Variants in TIFA observed in about 807,000 individuals in gnomAD.
TIFA encodes the protein TRAF-interacting protein with FHA domain-containing protein A.
For synonymous variants in TIFA, 75 were observed against 79.2 expected (o/e 0.95, Z 0.28); for missense variants, 186 against 215.2 (o/e 0.86, Z 0.85).
At chr4:112,280,191 T>C (rs1727201057) in intron 1 of TIFA, among the ~76,000 whole-genome samples, 1 of 152,176 alleles carries the variant, frequency 6.6e-6, no homozygotes, top group African/African-American at 2.4e-5. Context: ...GGTTTGGAGA[T>C]AATCAGTCTT....
Position 112,275,609 on chromosome 4 carries a change from C to G in TIFA, c.*2253G>C, listed in dbSNP as rs1578429864. 1 of 152,260 alleles carries G rather than the reference C, an allele frequency of 6.6e-6. No homozygotes were observed. The highest frequency in any genetic ancestry group is 2.1e-4 in the South Asian group (1 of 4,824). 9.4% of individuals were successfully genotyped at this position (152,260 alleles called of 1,614,324 possible). Reference sequence around the variant, plus strand: ...GCAACCCACTCTCTCCTTTGCCAATCTTTGAAGAAAAGAAAATAGAATAAA... The same window carrying G: ...GCAACCCACTCTCTCCTTTGCCAATGTTTGAAGAAAAGAAAATAGAATAAA... On this transcript the variant is annotated 3_prime_UTR_variant, in exon 2 of 2. Transcript: ENST00000361717.
chr4:112,277,671 C>CTCGGTGG lies in TIFA; in HGVS notation c.*190_*191insCCACCGA. 9.8e-6 allele frequency: 4 copies of CTCGGTGG among 409,580 alleles called. No homozygotes were observed. Among genetic ancestry groups the CTCGGTGG allele is most frequent in the South Asian group, 1.4e-4 (2 of 14,772 alleles). The allele number at this position is 409,580 out of a possible 1,614,324, so 25.4% of individuals were successfully genotyped here. A position where few individuals can be genotyped will look rare whatever the true frequency, so the allele number is the denominator to read the frequency against. ...GCAGTTAAAATAATTTTGTGTAGAT[C>CTCGGTGG]CAGAATACAACAGGTGACTAAGTTA... On this transcript the variant is annotated 3_prime_UTR_variant, in exon 2 of 2. Transcript: ENST00000361717.
At position 112,285,879 on chromosome 4, in the gene TIFA, C is replaced by G. The variant is rs1727319425; in HGVS notation, c.-258G>C. The G allele has an allele frequency of 6.6e-6, 1 of 152,234 alleles. No individual in the cohort carries two copies. Among genetic ancestry groups the G allele is most frequent in the South Asian group, 2.1e-4 (1 of 4,838 alleles). 9.4% of individuals were successfully genotyped at this position (152,234 alleles called of 1,614,324 possible). On this transcript the variant is annotated 5_prime_UTR_variant, in exon 1 of 2. Coordinates refer to ENST00000361717, the MANE Select transcript of TIFA (RefSeq NM_052864.3). ...TTCCCACTGGCTGGCAGAGCACGTC[C>G]TCTCGCGCCCGGGGCCTTTGTAAAG... is the stretch of plus-strand genomic sequence containing the variant.
chr4:112,281,335 A>G (rs1727224073), intron 1 of TIFA, among the ~76,000 whole-genome samples: 1 of 152,228 alleles, frequency 6.6e-6, no homozygotes, highest in Non-Finnish European at 1.5e-5. Flanking sequence ...TTACTTTATA[A>G]TTCAGTCTTC....
At position 112,275,694 on chromosome 4, in the gene TIFA, A is replaced by G. The variant is rs961813692; in HGVS notation, c.*2168T>C. The G allele has an allele frequency of 1.3e-5, 2 of 152,218 alleles. No individual in the cohort carries two copies. The highest frequency in any genetic ancestry group is 2.9e-5 in the Non-Finnish European group (2 of 68,038). 9.4% of individuals were successfully genotyped at this position (152,218 alleles called of 1,614,324 possible). ...TCCAAGATTTACATTAGGAGAAATC[A>G]TTATTCTGTACAAGATTTTTCTGGC... On this transcript the variant is annotated 3_prime_UTR_variant, in exon 2 of 2. Coordinates refer to ENST00000361717, the MANE Select transcript of TIFA (RefSeq NM_052864.3).
In TIFA at chr4:112,282,007, A is replaced by G. The variant is rs868497288; in HGVS notation, c.-18-3573T>C. ...CCCCACCCCAATCTCATCTTGAATTATAGCTCCCACGAGTCCCACATGTTG... is the reference window on the plus strand; with the variant it reads ...CCCCACCCCAATCTCATCTTGAATTGTAGCTCCCACGAGTCCCACATGTTG... On this transcript the variant is annotated intron_variant, in intron 1 of 1. Coordinates refer to ENST00000361717, the MANE Select transcript of TIFA (RefSeq NM_052864.3). Among the ~76,000 whole-genome samples, 14 of 152,324 alleles carry G rather than the reference A, an allele frequency of 9.2e-5. No individual in the cohort carries two copies. The South Asian group carries it at 2.5e-3, about 27-fold the overall frequency.
intron 1 of TIFA, among the ~76,000 whole-genome samples, chr4:112,279,724 T>C (rs1286685238): frequency 6.6e-6 from 1 of 151,790 alleles, no homozygotes; most frequent in Non-Finnish European, 1.5e-5. Flanking sequence ...TGGAGTGCAA[T>C]GGCGCAATCT....
intron 1 of TIFA, among the ~76,000 whole-genome samples, chr4:112,284,894 CAA>C (rs70958456): frequency 0.024 from 3,315 of 136,448 alleles, 40 homozygotes; most frequent in African/African-American, 0.031. Context: ...AACAAAGAAT[CAA>C]AAAAAAAAAA....
intron 1 of TIFA, among the ~76,000 whole-genome samples, chr4:112,284,242 C>T (rs1727277463): frequency 6.6e-6 from 1 of 151,732 alleles, no homozygotes; most frequent in Non-Finnish European, 1.5e-5. Flanking sequence ...TGTAGAGGTG[C>T]TATGTGCAAA....
chr4:112,278,762 A>G (rs1727171030), intron 1 of TIFA, among the ~76,000 whole-genome samples: 1 of 152,240 alleles, frequency 6.6e-6, no homozygotes. Context: ...TTTCACCTAA[A>G]TAGAGTGACT....
chr4:112,277,815 T>C lies in TIFA; in HGVS notation c.*47A>G. On this transcript the variant is annotated 3_prime_UTR_variant, in exon 2 of 2. Transcript: ENST00000361717. The stretch of plus-strand genomic sequence containing the variant: ...TCTTATTTAGTGTCTATACAGCATC[T>C]ACAGAGCTCTTCATCCATCATATTT... 2 of 1,520,418 alleles carry C rather than the reference T, an allele frequency of 1.3e-6. No homozygotes were observed. The highest frequency in any genetic ancestry group is 1.8e-6 in the Non-Finnish European group (2 of 1,133,256). 94.2% of individuals were successfully genotyped at this position (1,520,418 alleles called of 1,614,324 possible).
chr4:112,278,284 C>T lies in TIFA; in HGVS notation c.133G>A (p.Glu45Lys), dbSNP rs1727160268. 4 of 1,614,090 alleles carry T rather than the reference C, an allele frequency of 2.5e-6. No homozygotes were observed. The highest frequency in any genetic ancestry group is 2.2e-5 in the East Asian group (1 of 44,884). The change falls in exon 2 of 2, where the codon GAA (glutamate) becomes AAA (lysine). Residue 45 changes from glutamate (E) to lysine (K), a missense_variant. Physicochemically the swap from Glu to Lys is moderately conservative, Grantham distance 56. Coordinates refer to ENST00000361717, the MANE Select transcript of TIFA (RefSeq NM_052864.3). ...SFNREKLPSS[E>K]VVKFGRNSNI... is the part of the protein sequence containing the mutation. ...GAATTTCGGCCAAATTTCACCACTT[C>T]GCTGGAAGGGAGTTTCTCTCTGTTA...
At chr4:112,280,807 A>G (rs1015029910) in intron 1 of TIFA, among the ~76,000 whole-genome samples, 1 of 152,174 alleles carries the variant, frequency 6.6e-6, no homozygotes, top group Non-Finnish European at 1.5e-5. Context: ...TTTTATTTTC[A>G]TAATATATTT....
intron 1 of TIFA, 83 bp downstream of exon 1, chr4:112,285,554 TCTC>T (rs1432760288): frequency 6.6e-6 from 1 of 152,108 alleles, no homozygotes; most frequent in Non-Finnish European, 1.5e-5. Flanking sequence ...ACCCCCAAAA[TCTC>T]CTGGACAAAG....
Position 112,277,919 on chromosome 4 carries a change from A to G in TIFA, c.498T>C (p.Tyr166=), listed in dbSNP as rs701759. 860,387 of 1,612,606 alleles carry G rather than the reference A, an allele frequency of 0.53. 237,095 individuals are homozygous for G. Among genetic ancestry groups the G allele is most frequent in the African/African-American group, 0.83 (62,500 of 74,880 alleles). ...PHRPIPEYGT[Y]SLCSSQSSSP... ...AACTGCTTTGGGAGGAGCAGAGCGA[A>G]TAAGTGCCATACTCCGGTATGGGCC... is the stretch of plus-strand genomic sequence containing the variant. Residue 166 remains tyrosine, a synonymous_variant, in exon 2 of 2, where the codon TAT becomes TAC. Coordinates refer to ENST00000361717, the MANE Select transcript of TIFA (RefSeq NM_052864.3).
Position 112,278,023 on chromosome 4 carries a change from C to CTTCCAAAT in TIFA, c.393_394insATTTGGAA (p.Glu132IlefsTer80). The CTTCCAAAT allele has an allele frequency of 6.2e-7, 1 of 1,613,958 alleles. No individual in the cohort carries two copies. The highest frequency in any genetic ancestry group is 2.2e-5 in the East Asian group (1 of 44,872). On this transcript the variant is annotated frameshift_variant, in exon 2 of 2. Coordinates refer to ENST00000361717, the MANE Select transcript of TIFA (RefSeq NM_052864.3). LOFTEE classifies it low-confidence loss of function (END_TRUNC). Reference sequence around the variant, plus strand: ...TGAGTCTCAAAAAATTCCAATGACTCGCCATCTTCCTTCTCCATCAGAAAC... The same window carrying CTTCCAAAT: ...TGAGTCTCAAAAAATTCCAATGACTCTTCCAAATGCCATCTTCCTTCTCCATCAGAAAC...
chr4:112,283,000 T>G (rs1434700951), intron 1 of TIFA, among the ~76,000 whole-genome samples: 2 of 152,176 alleles, frequency 1.3e-5, no homozygotes, highest in Non-Finnish European at 2.9e-5. Context: ...CTAACCTACT[T>G]TTTGGTGACA....
chr4:112,285,417 T>G (rs1727306124), intron 1 of TIFA: 1 of 152,214 alleles, frequency 6.6e-6, no homozygotes, highest in African/African-American at 2.4e-5. Flanking sequence ...GTTTCCTCAT[T>G]TATGTAAATA....
chr4:112,279,256 T>C (rs2110505804), intron 1 of TIFA, among the ~76,000 whole-genome samples: 1 of 151,618 alleles, frequency 6.6e-6, no homozygotes, highest in Non-Finnish European at 1.5e-5. Context: ...CGAGGTGCCC[T>C]CCACCTACAC....
Sources: allele counts gnomAD v4.1 joint callset (sites outside exome capture counted in the v4.1 genomes callset), GRCh38; gene constraint gnomAD v4.1.1; transcripts MANE v1.5; gene names NCBI Gene and HGNC (gene_info 2026-07-23, HGNC 2026-07-21).